Variants in ZNF879 observed in about 807,000 individuals in gnomAD.
ZNF879 encodes the protein zinc finger protein 879.
Under a neutral mutation model 44.3 loss-of-function variants are expected in ZNF879, and 32 were observed. The ratio of observed to expected loss-of-function variants is 0.72; its 90% CI spans 0.54 to 0.97. ZNF879 has a LOEUF of 0.97. Among genes scored for constraint, ZNF879 ranks in the 50% least tolerant of loss-of-function variants. The pLI is 0.00. For synonymous variants in ZNF879, 234 were observed against 233.2 expected (o/e 1.00, Z -0.03); for missense variants, 621 against 669.7 (o/e 0.93, Z 0.80).
At position 179,032,355 on chromosome 5, in the gene ZNF879, G is replaced by C. The variant is rs535518067; in HGVS notation, c.407G>C (p.Arg136Thr). 3.7e-5 allele frequency: 58 copies of C among 1,551,310 alleles called. No homozygotes were observed. In the South Asian group the frequency reaches 6.6e-4, roughly 18 times the overall value. Residue 136 changes from arginine (R) to threonine (T), a missense_variant, in exon 5 of 5, where the codon AGA becomes ACA. By Grantham distance (71) the Arg-to-Thr change is moderately conservative. Coordinates refer to ENST00000444149, the MANE Select transcript of ZNF879 (RefSeq NM_001136116.3). The stretch of plus-strand genomic sequence containing the variant: ...GAGAAGCAACAAGGCAAAAAGAACA[G>C]ACTTTTCAGTAAAGTGTTAGTTACC... ...KLEKQQGKKN[R>T]LFSKVLVTIK... is the part of the protein sequence containing the mutation.
Position 179,033,816 on chromosome 5 carries a change from A to T in ZNF879, c.*176A>T. The T allele has an allele frequency of 2.0e-6, 1 of 490,608 alleles. No homozygotes were observed. Among genetic ancestry groups the T allele is most frequent in the South Asian group, 4.3e-5 (1 of 23,382 alleles). 30.4% of individuals were successfully genotyped at this position (490,608 alleles called of 1,614,324 possible). On this transcript the variant is annotated 3_prime_UTR_variant, in exon 5 of 5. Transcript: ENST00000444149. ...AGGGTAACCTTGGGAATGCTAGAAA[A>T]GCTTCTATAAAATGTTTATTCATAT...
At chr5:179,031,304 C>T (rs149234492) in intron 4 of ZNF879, among the ~76,000 whole-genome samples, 1 of 152,266 alleles carries the variant, frequency 6.6e-6, no homozygotes, top group Admixed American at 6.5e-5. Context: ...ATAGCCTGGC[C>T]CACCTCTTTT....
chr5:179,024,571 G>C lies in ZNF879; in HGVS notation c.-35-399G>C, dbSNP rs907086990. On this transcript the variant is annotated intron_variant, in intron 1 of 4. Transcript: ENST00000444149. ...AAAGAGGACTAATTTTTGGTTGGCT[G>C]TTCCTAAAAAAGAGCATCAGTTCTT... 9 of 158,524 alleles carry C rather than the reference G, an allele frequency of 5.7e-5. No individual in the cohort carries two copies. In the East Asian group the frequency reaches 1.3e-3, roughly 22 times the overall value. 9.8% of individuals were successfully genotyped at this position (158,524 alleles called of 1,614,324 possible).
chr5:179,033,428 A>C lies in ZNF879; in HGVS notation c.1480A>C (p.Asn494His). 6.4e-7 allele frequency: 1 copy of C among 1,562,668 alleles called. No homozygotes were observed. The highest frequency in any genetic ancestry group is 8.7e-7 in the Non-Finnish European group (1 of 1,153,408). ...ATGTAATGACTGTGAGAAAGCCTTC[A>C]ACCAAAGCTCAGCTCTAATTCAGCA... is the stretch of plus-strand genomic sequence containing the variant. ...YKCNDCEKAF[N>H]QSSALIQHQR... Residue 494 changes from asparagine to histidine, a missense_variant, in exon 5 of 5, where the codon AAC (asparagine) becomes CAC (histidine). Asn to His is a moderately conservative substitution (Grantham distance 68). Transcript: ENST00000444149.
rs766697208 is a variant in ZNF879, at chr5:179,032,364, G to A, written c.416G>A (p.Ser139Asn). The A allele has an allele frequency of 7.1e-6, 11 of 1,551,270 alleles. No individual in the cohort carries two copies. The highest frequency in any genetic ancestry group is 1.4e-5 in the African/African-American group (1 of 73,118). The change falls in exon 5 of 5, where the codon AGT becomes AAT. Residue 139 changes from serine to asparagine, a missense_variant. Transcript: ENST00000444149. ...CAAGGCAAAAAGAACAGACTTTTCA[G>A]TAAAGTGTTAGTTACCATCAAAAAA... Reference protein sequence around the residue: ...KQQGKKNRLFSKVLVTIKKVY... With the variant: ...KQQGKKNRLFNKVLVTIKKVY...
Position 179,032,574 on chromosome 5 carries a change from G to A in ZNF879, c.626G>A (p.Cys209Tyr). The A allele has an allele frequency of 1.3e-6, 2 of 1,553,262 alleles. No individual in the cohort carries two copies. The highest frequency in any genetic ancestry group is 1.7e-6 in the Non-Finnish European group (2 of 1,147,986). Residue 209 changes from cysteine to tyrosine, a missense_variant, in exon 5 of 5, where the codon TGT (cysteine) becomes TAT (tyrosine). Transcript: ENST00000444149. ...CGTAAATGTTATAAATGTAATATCT[G>A]TGGGAAAATCTTCCTCCACAGTTCC... ...TVRKCYKCNICGKIFLHSSSL... is the reference protein window; with the variant it reads ...TVRKCYKCNIYGKIFLHSSSL...
chr5:179,029,699 AATT>A (rs965549269), intron 4 of ZNF879, among the ~76,000 whole-genome samples: 7 of 151,342 alleles, frequency 4.6e-5, no homozygotes, highest in African/African-American at 1.2e-4. Flanking sequence ...AACTATGATC[AATT>A]ATTGTTGTTT....
At position 179,025,479 on chromosome 5, in the gene ZNF879, C is replaced by T. The variant is rs76588380; in HGVS notation, c.33+442C>T. On this transcript the variant is annotated intron_variant, in intron 2 of 4. Coordinates refer to ENST00000444149, the MANE Select transcript of ZNF879 (RefSeq NM_001136116.3). ...TGTTGGGACTATGGGCGTGAGCCACCGCGCCCGGCCCCCAGTCTCATGCTT... is the reference window on the plus strand; with the variant it reads ...TGTTGGGACTATGGGCGTGAGCCACTGCGCCCGGCCCCCAGTCTCATGCTT... Among the ~76,000 whole-genome samples, 1,679 of 152,298 alleles carry T rather than the reference C, an allele frequency of 0.011. 85 individuals are homozygous for T. The South Asian group carries it at 0.15, about 14-fold the overall frequency.
In ZNF879 at chr5:179,032,722, A is replaced by G. The variant is rs1761458358; in HGVS notation, c.774A>G (p.Lys258=). ...TQHLRVHTGE[K]PYICSECGKA... is the part of the protein sequence containing the mutation. Reference sequence around the variant, plus strand: ...ACTTGAGGGTTCATACAGGAGAGAAACCTTATATATGTAGTGAATGTGGAA... The same window carrying G: ...ACTTGAGGGTTCATACAGGAGAGAAGCCTTATATATGTAGTGAATGTGGAA... The change falls in exon 5 of 5, where the codon AAA becomes AAG. Residue 258 remains lysine, a synonymous_variant. Transcript: ENST00000444149. The G allele has an allele frequency of 2.6e-6, 4 of 1,556,458 alleles. No individual in the cohort carries two copies. The highest frequency in any genetic ancestry group is 1.7e-6 in the Non-Finnish European group (2 of 1,150,044).
intron 2 of ZNF879, among the ~76,000 whole-genome samples, chr5:179,026,949 C>T (rs565544628): frequency 6.6e-6 from 1 of 152,324 alleles, no homozygotes; most frequent in East Asian, 1.9e-4. Context: ...TGTAGCCCAC[C>T]ACCTGGGACC....
Position 179,026,803 on chromosome 5 carries a change from C to CAAGAA in ZNF879, c.34-669_34-665dup, listed in dbSNP as rs543128643. Among the ~76,000 whole-genome samples, 273 of 152,288 alleles carry CAAGAA rather than the reference C, an allele frequency of 1.8e-3. 1 individual carries two copies. The highest frequency in any genetic ancestry group is 6.2e-3 in the African/African-American group (257 of 41,566). On this transcript the variant is annotated intron_variant, in intron 2 of 4. Transcript: ENST00000444149. The stretch of plus-strand genomic sequence containing the variant: ...TGTGCCCAGCCAAGAAGATGACTCT[C>CAAGAA]AAGAAGGGGAGATGGCCCTAGTTCA...
chr5:179,031,372 A>G (rs1277082310), intron 4 of ZNF879, among the ~76,000 whole-genome samples: 1 of 152,154 alleles, frequency 6.6e-6, no homozygotes, highest in Non-Finnish European at 1.5e-5. Flanking sequence ...GGACTGCTAT[A>G]TGTCCTGGAA....
rs1403236765 is a variant in ZNF879, at chr5:179,033,039, G to A, written c.1091G>A (p.Arg364Gln). 10 of 1,558,734 alleles carry A rather than the reference G, an allele frequency of 6.4e-6. No individual in the cohort carries two copies. The highest frequency in any genetic ancestry group is 6.1e-6 in the Non-Finnish European group (7 of 1,151,348). Residue 364 changes from arginine (R) to glutamine (Q), a missense_variant, in exon 5 of 5, where the codon CGA becomes CAA. Transcript: ENST00000444149. ...ATATCGCGGCTAAGTAGGCACCATC[G>A]AATTCATACTGGAGAGAAACCCTTT... ...TSISRLSRHH[R>Q]IHTGEKPFHC... is the part of the protein sequence containing the mutation.
chr5:179,026,825 T>C (rs1761284680), intron 2 of ZNF879, among the ~76,000 whole-genome samples: 1 of 152,136 alleles, frequency 6.6e-6, no homozygotes. Flanking sequence ...ATGGCCCTAG[T>C]TCAGAGCAGT....
Position 179,028,106 on chromosome 5 carries a change from G to A in ZNF879, c.235G>A (p.Val79Ile). ...AGACCCCTGGATGGTGGAGAGTGGA[G>A]TTCCCCAAGGCGCACATCTCGGTGA... ...GEDPWMVESG[V>I]PQGAHLGWES... Residue 79 changes from valine (V) to isoleucine (I), a missense_variant, in exon 4 of 5, where the codon GTT becomes ATT. Coordinates refer to ENST00000444149, the MANE Select transcript of ZNF879 (RefSeq NM_001136116.3). The A allele has an allele frequency of 6.4e-7, 1 of 1,551,528 alleles. No homozygotes were observed. The highest frequency in any genetic ancestry group is 8.7e-7 in the Non-Finnish European group (1 of 1,146,928).
chr5:179,033,144 C>T lies in ZNF879; in HGVS notation c.1196C>T (p.Pro399Leu), dbSNP rs372355840. Residue 399 changes from proline (P) to leucine (L), a missense_variant, in exon 5 of 5, where the codon CCA (proline) becomes CTA (leucine). Physicochemically the swap from Pro to Leu is moderately conservative, Grantham distance 98. Transcript: ENST00000444149. ...CAGAGAATTCACACTGGTGAGAAAC[C>T]ATATGCATGCAAAGAATGTGGGAAA... ...IHQRIHTGEK[P>L]YACKECGKAF... is the part of the protein sequence containing the mutation. 3.1e-6 allele frequency: 5 copies of T among 1,587,968 alleles called. No homozygotes were observed. Among genetic ancestry groups the T allele is most frequent in the Non-Finnish European group, 4.3e-6 (5 of 1,166,982 alleles).
In ZNF879 at chr5:179,028,045, C is replaced by T. The variant is rs890151421; in HGVS notation, c.174C>T (p.Ser58=). 1.9e-6 allele frequency: 3 copies of T among 1,551,404 alleles called. No homozygotes were observed. In the African/African-American group the frequency reaches 4.1e-5, roughly 21 times the overall value. The change falls in exon 4 of 5, where the codon TCC becomes TCT. Residue 58 remains serine, a synonymous_variant. Transcript: ENST00000444149. Reference sequence around the variant, plus strand: ...GTTCATGAACAGGGATTCTCTTTTCCAAGCCAAAGGTCATCTCCCAGTTAG... The same window carrying T: ...GTTCATGAACAGGGATTCTCTTTTCTAAGCCAAAGGTCATCTCCCAGTTAG... ...SILVSLGILF[S]KPKVISQLEQ...
Position 179,033,658 on chromosome 5 carries a change from C to T in ZNF879, c.*18C>T. The T allele has an allele frequency of 1.4e-6, 2 of 1,444,824 alleles. No individual in the cohort carries two copies. The highest frequency in any genetic ancestry group is 1.8e-6 in the Non-Finnish European group (2 of 1,088,166). The allele number at this position is 1,444,824 out of a possible 1,614,324, so 89.5% of individuals were successfully genotyped here. A position where few individuals can be genotyped will look rare whatever the true frequency, so the allele number is the denominator to read the frequency against. ...ATAATTGAGAAAAACTGTATAAATG[C>T]ATGTAGGAACTGAAGTTATATTCCA... On this transcript the variant is annotated 3_prime_UTR_variant, in exon 5 of 5. Coordinates refer to ENST00000444149, the MANE Select transcript of ZNF879 (RefSeq NM_001136116.3).
Position 179,032,273 on chromosome 5 carries a change from A to G in ZNF879, c.325A>G (p.Ile109Val). Residue 109 changes from isoleucine (I) to valine (V), a missense_variant, in exon 5 of 5, where the codon ATT (isoleucine) becomes GTT (valine). Coordinates refer to ENST00000444149, the MANE Select transcript of ZNF879 (RefSeq NM_001136116.3). Reference sequence around the variant, plus strand: ...TCAGGAAGTCATGAAAAAACTCATAATTGATGGCACATTTGACTTCAAGTT... The same window carrying G: ...TCAGGAAGTCATGAAAAAACTCATAGTTGATGGCACATTTGACTTCAAGTT... ...ENQEVMKKLI[I>V]DGTFDFKLEK... The G allele has an allele frequency of 1.3e-6, 2 of 1,540,132 alleles. No individual in the cohort carries two copies. Among genetic ancestry groups the G allele is most frequent in the Non-Finnish European group, 1.7e-6 (2 of 1,144,322 alleles).
Sources: gnomAD v4.1 joint callset for allele counts (sites outside exome capture counted in the v4.1 genomes callset) on GRCh38, gnomAD v4.1.1 for gene constraint, MANE v1.5 for transcripts, NCBI Gene and HGNC (gene_info 2026-07-23, HGNC 2026-07-21) for gene names.